The following CCBE1 variants were observed in gnomAD, a reference collection of about 807,000 sequenced individuals.
CCBE1 encodes the protein collagen and calcium binding EGF domains 1.
In CCBE1, 37 loss-of-function variants were observed where a neutral mutation model predicts 50.0. The observed-to-expected ratio is 0.74, with a 90% CI of 0.57 to 0.97. The LOEUF (loss-of-function observed/expected upper bound fraction) is 0.97, where lower values mean the gene tolerates loss of function less well. Among genes scored for constraint, CCBE1 ranks in the 50% least tolerant of loss-of-function variants. CCBE1 has a pLI of 0.00. For synonymous variants in CCBE1, 234 were observed against 203.7 expected (o/e 1.15, Z -1.27); for missense variants, 538 against 523.8 (o/e 1.03, Z -0.26).
intron 2 of CCBE1, among the ~76,000 whole-genome samples, chr18:59,677,736 G>A (rs1290031463): frequency 6.6e-6 from 1 of 152,050 alleles, no homozygotes; most frequent in African/African-American, 2.4e-5. Flanking sequence ...GAGTGAAGGT[G>A]AGAAACCAAC....
At chr18:59,679,017 A>G (rs2054548571) in intron 2 of CCBE1, among the ~76,000 whole-genome samples, 1 of 152,256 alleles carries the variant, frequency 6.6e-6, no homozygotes, top group Non-Finnish European at 1.5e-5. Flanking sequence ...GTAAATTTTC[A>G]TCTGATAAGA....
At chr18:59,560,169 T>A (rs1001597185) in intron 2 of CCBE1, among the ~76,000 whole-genome samples, 3 of 152,222 alleles carry the variant, frequency 2.0e-5, no homozygotes, top group Non-Finnish European at 4.4e-5. Flanking sequence ...CTACAGGTAG[T>A]TAGCCAGGGA....
intron 2 of CCBE1, among the ~76,000 whole-genome samples, chr18:59,684,139 T>G (rs1193713522): frequency 6.6e-6 from 1 of 152,182 alleles, no homozygotes; most frequent in African/African-American, 2.4e-5. Context: ...GTGGAGATGC[T>G]GAGTAACTGT....
At chr18:59,568,564 T>C (rs904439405) in intron 2 of CCBE1, 1 of 152,306 alleles carries the variant, frequency 6.6e-6, no homozygotes, top group South Asian at 2.1e-4. Flanking sequence ...TTCTTGATCA[T>C]GAGAACTAGG....
At chr18:59,526,243 C>A (rs1439925737) in intron 2 of CCBE1, among the ~76,000 whole-genome samples, 1 of 150,268 alleles carries the variant, frequency 6.7e-6, no homozygotes, top group Non-Finnish European at 1.5e-5. Flanking sequence ...CTTCTGCTAG[C>A]TTTGGGGTTT....
chr18:59,513,316 C>CAA (rs1914216509), intron 2 of CCBE1, among the ~76,000 whole-genome samples: 1 of 78,508 alleles, frequency 1.3e-5, no homozygotes, highest in East Asian at 2.2e-3. Flanking sequence ...AAAAACAAAA[C>CAA]AAAACAAAAA....
chr18:59,471,168 C>T (rs771363672), intron 3 of CCBE1, among the ~76,000 whole-genome samples: 41 of 152,190 alleles, frequency 2.7e-4, no homozygotes, highest in Non-Finnish European at 4.6e-4. Flanking sequence ...GAGAGGCTGT[C>T]GAAGTGTTTG....
chr18:59,485,951 G>T, intron 2 of CCBE1, among the ~76,000 whole-genome samples: 1 of 151,658 alleles, frequency 6.6e-6, no homozygotes, highest in East Asian at 1.9e-4. Flanking sequence ...GAGAGTATTT[G>T]AGAGTTCTTG....
chr18:59,609,952 G>A (rs551588763), intron 2 of CCBE1, among the ~76,000 whole-genome samples: 21 of 152,298 alleles, frequency 1.4e-4, no homozygotes, highest in African/African-American at 4.8e-4. Context: ...CATGCAATGG[G>A]ATATGATAGA....
intron 2 of CCBE1, among the ~76,000 whole-genome samples, chr18:59,670,554 C>CA (rs1258126298): frequency 6.6e-6 from 1 of 152,202 alleles, no homozygotes; most frequent in African/African-American, 2.4e-5. Context: ...CAACTCCTGC[C>CA]ATGTAACCAC....
Position 59,602,636 on chromosome 18 carries a change from G to GA in CCBE1, c.212+93992dup, listed in dbSNP as rs151334249. On this transcript the variant is annotated intron_variant, in intron 2 of 10. Transcript: ENST00000439986. ...GAAAAGTCCTCTGAGTCCTGAGCTGGAAAAAATCTTAAGATGTGATCACCA... is the reference window on the plus strand; with the variant it reads ...GAAAAGTCCTCTGAGTCCTGAGCTGGAAAAAAATCTTAAGATGTGATCACCA... Among the ~76,000 whole-genome samples the GA allele has an allele frequency of 6.6e-5, 10 of 152,274 alleles. No homozygotes were observed. The East Asian group carries it at 1.9e-3, about 29-fold the overall frequency.
intron 2 of CCBE1, among the ~76,000 whole-genome samples, chr18:59,558,228 C>T (rs1458857698): frequency 2.6e-5 from 4 of 151,992 alleles, no homozygotes; most frequent in African/African-American, 9.7e-5. Context: ...AAAGCATGAA[C>T]ACAGTTTCTC....
chr18:59,638,203 A>ATTT (rs1449395508), intron 2 of CCBE1, among the ~76,000 whole-genome samples: 8 of 152,260 alleles, frequency 5.3e-5, no homozygotes, highest in Non-Finnish European at 7.3e-5. Context: ...ATAAAATTTG[A>ATTT]CAGTGATTTC....
At chr18:59,498,375 A>T (rs991187417) in intron 2 of CCBE1, among the ~76,000 whole-genome samples, 1 of 152,234 alleles carries the variant, frequency 6.6e-6, no homozygotes, top group African/African-American at 2.4e-5. Context: ...GTGTTTTATC[A>T]AAAGCTCAAA....
intron 2 of CCBE1, among the ~76,000 whole-genome samples, chr18:59,508,711 C>CTTTTTTTTTTTTTTTTTTTT (rs55881131): frequency 1.0e-5 from 1 of 95,684 alleles, no homozygotes; most frequent in African/African-American, 4.5e-5. Flanking sequence ...TAGAGTTACG[C>CTTTTTTTTTTTTTTTTTTTT]TTTTTTTTTT....
chr18:59,447,783 A>G (rs1015103281), intron 7 of CCBE1, among the ~76,000 whole-genome samples, 200 bp downstream of exon 7: 2 of 152,156 alleles, frequency 1.3e-5, no homozygotes, highest in African/African-American at 4.8e-5. Context: ...CCACATTGCT[A>G]TTGGCTATGA....
In CCBE1 at chr18:59,697,317, C is replaced by G; in HGVS notation, c.26G>C (p.Gly9Ala). 1.9e-6 allele frequency: 3 copies of G among 1,548,780 alleles called. No individual in the cohort carries two copies. The highest frequency in any genetic ancestry group is 1.4e-5 in the African/African-American group (1 of 73,152). The stretch of plus-strand genomic sequence containing the variant: ...GCCCAGCTGGCCCCTGGCAGCTCCT[C>G]CCCGGCTCGGAGGCGGCGGCACCAT... MVPPPPSR[G>A]GAARGQLGRS... Residue 9 changes from glycine to alanine, a missense_variant, in exon 1 of 11, where the codon GGA becomes GCA. Transcript: ENST00000439986.
chr18:59,485,381 A>G (rs1912766430), intron 2 of CCBE1, among the ~76,000 whole-genome samples: 1 of 152,176 alleles, frequency 6.6e-6, no homozygotes, highest in South Asian at 2.1e-4. Context: ...GCATCATCAG[A>G]CTGTCTGCTG....
At chr18:59,680,602 G>C (rs2054575416) in intron 2 of CCBE1, among the ~76,000 whole-genome samples, 1 of 151,968 alleles carries the variant, frequency 6.6e-6, no homozygotes, top group South Asian at 2.1e-4. Context: ...GGAGGCTGAG[G>C]CAGGAGAATG....
Sources: gnomAD v4.1 joint callset for allele counts (sites outside exome capture counted in the v4.1 genomes callset) on GRCh38, gnomAD v4.1.1 for gene constraint, MANE v1.5 for transcripts, NCBI Gene and HGNC (gene_info 2026-07-23, HGNC 2026-07-21) for gene names.